Variants in MLKL observed in about 807,000 individuals in gnomAD.
MLKL encodes the protein mixed lineage kinase domain like pseudokinase.
Under a neutral mutation model 56.5 loss-of-function variants are expected in MLKL, and 55 were observed. That is an observed-to-expected ratio of 0.97 (90% CI 0.78 to 1.22). The LOEUF (loss-of-function observed/expected upper bound fraction) is 1.22. Among genes scored for constraint, MLKL ranks in the 50% most tolerant of loss-of-function variants. MLKL has a pLI of 0.00. For synonymous variants in MLKL, 251 were observed against 208.3 expected (o/e 1.20, Z -1.76); for missense variants, 694 against 573.9 (o/e 1.21, Z -2.14).
chr16:74,675,839 C>A (rs7184423), intron 7 of MLKL, 75 bp from the exon 8 acceptor site: 581,679 of 1,461,174 alleles, frequency 0.4, 118,809 homozygotes, highest in African/African-American at 0.5. Context: ...ATTGTTGCTA[C>A]ACACAATTGC....
intron 2 of MLKL, among the ~76,000 whole-genome samples, chr16:74,692,665 G>T (rs1246064652): frequency 1.3e-5 from 2 of 152,226 alleles, no homozygotes; most frequent in Non-Finnish European, 2.9e-5. Flanking sequence ...CTTCCCAGAG[G>T]GAGCATTTAA....
At position 74,693,525 on chromosome 16, in the gene MLKL, A is replaced by G. The variant is rs191170523; in HGVS notation, c.461-1109T>C. 2.0e-4 allele frequency among the ~76,000 whole-genome samples: 30 copies of G among 149,308 alleles called. No individual in the cohort carries two copies. The East Asian group carries it at 5.6e-3, about 28-fold the overall frequency. On this transcript the variant is annotated intron_variant, in intron 2 of 10. Coordinates refer to ENST00000308807, the MANE Select transcript of MLKL (RefSeq NM_152649.4). ...AAGAAAAAAAAAGTTCTGGTGATGG[A>G]TGGTCGCGATGGTTTCAGAACCATG...
Position 74,700,466 on chromosome 16 carries a change from G to A in MLKL, c.-16C>T, listed in dbSNP as rs1012463598. The A allele has an allele frequency of 6.6e-6, 1 of 152,434 alleles. No homozygotes were observed. Among genetic ancestry groups the A allele is most frequent in the Non-Finnish European group, 1.5e-5 (1 of 68,240 alleles). The allele number at this position is 152,434 out of a possible 1,614,324, so 9.4% of individuals were successfully genotyped here. A position where few individuals can be genotyped will look rare whatever the true frequency, so the allele number is the denominator to read the frequency against. On this transcript the variant is annotated 5_prime_UTR_variant, in exon 1 of 11. Transcript: ENST00000308807. Reference sequence around the variant, plus strand: ...CCCCATGCTCACCTTCGCGCCTCCCGAGGGGTGTGCGTCCAATCTGTCCCG... The same window carrying A: ...CCCCATGCTCACCTTCGCGCCTCCCAAGGGGTGTGCGTCCAATCTGTCCCG...
intron 2 of MLKL, among the ~76,000 whole-genome samples, chr16:74,693,712 C>T (rs879679813): frequency 4.6e-5 from 7 of 151,618 alleles, no homozygotes; most frequent in Middle Eastern, 3.2e-3. Context: ...CACGCCATTC[C>T]CCCGCCTCAG....
intron 4 of MLKL, among the ~76,000 whole-genome samples, chr16:74,687,920 G>C (rs1178122786): frequency 6.6e-6 from 1 of 151,924 alleles, no homozygotes; most frequent in Non-Finnish European, 1.5e-5. Flanking sequence ...CTGCCTCTCA[G>C]GTTCACACCA....
intron 7 of MLKL, 33 bp from the exon 8 acceptor site, chr16:74,675,797 C>A: frequency 6.2e-7 from 1 of 1,610,768 alleles, no homozygotes; most frequent in Non-Finnish European, 8.5e-7. Flanking sequence ...AAGAAACAAG[C>A]AAGATCTTGG....
At chr16:74,675,917 T>C (rs1469774789) in intron 7 of MLKL, 153 bp from the exon 8 acceptor site, 2 of 773,684 alleles carry the variant, frequency 2.6e-6, no homozygotes, top group African/African-American at 3.5e-5. Flanking sequence ...GCTACTTTAT[T>C]GGTTAACATT....
chr16:74,687,893 T>G (rs1194835883), intron 4 of MLKL, among the ~76,000 whole-genome samples: 2 of 152,102 alleles, frequency 1.3e-5, no homozygotes, highest in Non-Finnish European at 2.9e-5. Context: ...TGGCGTGATC[T>G]CAGGTCACTG....
At chr16:74,688,130 C>T (rs557504364) in intron 4 of MLKL, among the ~76,000 whole-genome samples, 25 of 151,838 alleles carry the variant, frequency 1.6e-4, no homozygotes, top group South Asian at 4.2e-4. Context: ...AGCCAACGCC[C>T]GGCTAATTTT....
chr16:74,695,026 C>T (rs1012986015), intron 2 of MLKL, among the ~76,000 whole-genome samples: 1 of 152,174 alleles, frequency 6.6e-6, no homozygotes, highest in Non-Finnish European at 1.5e-5. Flanking sequence ...GCGCCCGCCA[C>T]CATGCCCGGC....
At chr16:74,689,116 T>G (rs1026739150) in intron 4 of MLKL, among the ~76,000 whole-genome samples, 38 of 150,888 alleles carry the variant, frequency 2.5e-4, no homozygotes, top group East Asian at 1.3e-3. Flanking sequence ...TTTTTCTTTT[T>G]TTTTTCTTTT....
At chr16:74,699,515 T>C (rs977996096) in intron 1 of MLKL, among the ~76,000 whole-genome samples, 1 of 152,206 alleles carries the variant, frequency 6.6e-6, no homozygotes, top group Non-Finnish European at 1.5e-5. Context: ...TATACATATA[T>C]ACACACTTAG....
chr16:74,687,620 T>C (rs144120899), intron 4 of MLKL, among the ~76,000 whole-genome samples: 8 of 152,006 alleles, frequency 5.3e-5, no homozygotes, highest in African/African-American at 1.7e-4. Flanking sequence ...AACAGATCAA[T>C]GGAATAGAAT....
chr16:74,697,286 A>G (rs1200868394), intron 1 of MLKL, among the ~76,000 whole-genome samples: 2 of 152,042 alleles, frequency 1.3e-5, no homozygotes, highest in Non-Finnish European at 2.9e-5. Context: ...AAAGAATCTG[A>G]GTCTTTGATG....
chr16:74,692,374 T>C lies in MLKL; in HGVS notation c.503A>G (p.Asn168Ser), dbSNP rs367623802. The change falls in exon 3 of 11, where the codon AAC becomes AGC. Residue 168 changes from asparagine to serine, a missense_variant. By Grantham distance (46) the Asn-to-Ser change is conservative (BLOSUM62 1). Coordinates refer to ENST00000308807, the MANE Select transcript of MLKL (RefSeq NM_152649.4). ...CAAAGTTTCCTTGATTTCTTTCATGTTGATTTCTAATCGTCTCAGTGAAGC... is the reference window on the plus strand; with the variant it reads ...CAAAGTTTCCTTGATTTCTTTCATGCTGATTTCTAATCGTCTCAGTGAAGC... ...IEASLRRLEI[N>S]MKEIKETLRQ... 6.2e-7 allele frequency: 1 copy of C among 1,614,022 alleles called. No individual in the cohort carries two copies. The highest frequency in any genetic ancestry group is 8.5e-7 in the Non-Finnish European group (1 of 1,179,984).
chr16:74,675,893 C>A, intron 7 of MLKL, 129 bp from the exon 8 acceptor site: 2 of 1,007,002 alleles, frequency 2.0e-6, no homozygotes. Context: ...CCTGTCGTGA[C>A]TTCTGTCTGT....
At chr16:74,686,577 C>T (rs1172363490) in intron 4 of MLKL, among the ~76,000 whole-genome samples, 2 of 152,202 alleles carry the variant, frequency 1.3e-5, no homozygotes, top group South Asian at 2.1e-4. Context: ...AACGAGACTA[C>T]GTCTCCACAC....
chr16:74,688,912 A>G (rs1960497879), intron 4 of MLKL, among the ~76,000 whole-genome samples: 1 of 152,204 alleles, frequency 6.6e-6, no homozygotes, highest in East Asian at 1.9e-4. Flanking sequence ...TGAACCTTGA[A>G]AATATCATGC....
rs925137310 is a variant in MLKL, at chr16:74,694,490, C to T, written c.460+808G>A. On this transcript the variant is annotated intron_variant, in intron 2 of 10. Transcript: ENST00000308807. The stretch of plus-strand genomic sequence containing the variant: ...GAGAAATCGTGGCTCACTGCAGCCT[C>T]GACCTCCTAGGTGCCTGTAATCCCA... 2.6e-5 allele frequency among the ~76,000 whole-genome samples: 4 copies of T among 152,138 alleles called. No homozygotes were observed. In the East Asian group the frequency reaches 5.8e-4, roughly 22 times the overall value.
Sources: allele counts gnomAD v4.1 joint callset (sites outside exome capture counted in the v4.1 genomes callset), GRCh38; gene constraint gnomAD v4.1.1; transcripts MANE v1.5; gene names NCBI Gene and HGNC (gene_info 2026-07-23, HGNC 2026-07-21).